The following NRXN3 variants were observed in gnomAD, a reference collection of about 807,000 sequenced individuals.
NRXN3 encodes the protein neurexin 3.
A neutral mutation model predicts 137.6 loss-of-function variants in NRXN3; 32 were observed. That is an observed-to-expected ratio of 0.23 (90% CI 0.18 to 0.31). The LOEUF is 0.31. NRXN3 is among the 10% of genes least tolerant of loss of function. The pLI is 1.00. For synonymous variants in NRXN3, 798 were observed against 784.5 expected (o/e 1.02, Z -0.29); for missense variants, 1,574 against 2,062.5 (o/e 0.76, Z 4.59).
chr14:79,353,611 A>G (rs771338434), intron 15 of NRXN3, among the ~76,000 whole-genome samples: 17 of 152,184 alleles, frequency 1.1e-4, no homozygotes, highest in South Asian at 2.1e-4. Flanking sequence ...CCAACAGGCT[A>G]TGAAATATTG....
intron 4 of NRXN3, among the ~76,000 whole-genome samples, chr14:78,391,382 G>A (rs1041178038): frequency 6.6e-6 from 1 of 152,090 alleles, no homozygotes; most frequent in Non-Finnish European, 1.5e-5. Context: ...TTTTGTGGCA[G>A]GTGTGGCTAT....
chr14:78,737,782 T>C (rs906915478), intron 8 of NRXN3, among the ~76,000 whole-genome samples: 2 of 152,068 alleles, frequency 1.3e-5, no homozygotes, highest in African/African-American at 2.4e-5. Flanking sequence ...AGTTAAGTCG[T>C]TGGAAGCTGC....
chr14:79,020,412 T>C (rs1004139183), intron 15 of NRXN3, among the ~76,000 whole-genome samples: 16 of 149,036 alleles, frequency 1.1e-4, no homozygotes, highest in African/African-American at 3.5e-4. Context: ...ATTACAGGCA[T>C]GTGCCACCAC....
intron 15 of NRXN3, among the ~76,000 whole-genome samples, chr14:79,387,961 G>A (rs2094694580): frequency 9.0e-6 from 1 of 111,210 alleles, no homozygotes; most frequent in African/African-American, 3.5e-5. Context: ...TGTGGGGTGG[G>A]GGGAGGGGGG....
At chr14:78,336,953 A>G (rs1267975928) in intron 4 of NRXN3, among the ~76,000 whole-genome samples, 1 of 152,152 alleles carries the variant, frequency 6.6e-6, no homozygotes, top group Non-Finnish European at 1.5e-5. Context: ...ACTTTGGATC[A>G]TCTGTATGTT....
intron 19 of NRXN3, among the ~76,000 whole-genome samples, chr14:79,720,789 G>T (rs902131455): frequency 2.0e-5 from 3 of 152,082 alleles, no homozygotes; most frequent in African/African-American, 7.2e-5. Flanking sequence ...CTTCAGAATG[G>T]TGTTTGCTTT....
intron 8 of NRXN3, among the ~76,000 whole-genome samples, chr14:78,795,373 C>T (rs1159989514): frequency 3.3e-5 from 5 of 152,162 alleles, no homozygotes; most frequent in South Asian, 2.1e-4. Context: ...CTCAATTTTC[C>T]AGTGCCAATC....
At chr14:79,089,185 C>T (rs1257900657) in intron 15 of NRXN3, among the ~76,000 whole-genome samples, 2 of 152,118 alleles carry the variant, frequency 1.3e-5, no homozygotes, top group Admixed American at 6.6e-5. Context: ...AGGTAAGAGA[C>T]ATGTACCCCT....
At chr14:79,216,053 G>A (rs995152342) in intron 15 of NRXN3, among the ~76,000 whole-genome samples, 2 of 152,194 alleles carry the variant, frequency 1.3e-5, no homozygotes, top group African/African-American at 4.8e-5. Context: ...AGAACAGTTT[G>A]TCTCTGTTCC....
chr14:78,784,452 TG>T, intron 8 of NRXN3, among the ~76,000 whole-genome samples: 1 of 152,274 alleles, frequency 6.6e-6, no homozygotes, highest in East Asian at 1.9e-4. Context: ...GGCACACTTT[TG>T]AGTAAAAGGT....
At chr14:79,368,152 G>A (rs939904916) in intron 15 of NRXN3, among the ~76,000 whole-genome samples, 12 of 152,228 alleles carry the variant, frequency 7.9e-5, no homozygotes, top group African/African-American at 2.9e-4. Context: ...GCCAGAACAA[G>A]GGGACATACC....
chr14:79,227,768 T>TCCTTCCTC (rs2071244562), intron 15 of NRXN3, among the ~76,000 whole-genome samples: 1 of 116,970 alleles, frequency 8.5e-6, no homozygotes, highest in South Asian at 3.6e-4. Flanking sequence ...CTTCCTTCCT[T>TCCTTCCTC]CCTTCCTTCC....
At chr14:78,764,330 G>A (rs2098701850) in intron 8 of NRXN3, among the ~76,000 whole-genome samples, 1 of 152,164 alleles carries the variant, frequency 6.6e-6, no homozygotes, top group African/African-American at 2.4e-5. Flanking sequence ...CCAAGGGCTG[G>A]AATAGCTGTT....
intron 10 of NRXN3, among the ~76,000 whole-genome samples, chr14:78,893,329 T>C (rs1049809640): frequency 6.6e-6 from 1 of 152,024 alleles, no homozygotes; most frequent in Non-Finnish European, 1.5e-5. Flanking sequence ...CTTTCATTGC[T>C]CTGATCTTTA....
intron 10 of NRXN3, among the ~76,000 whole-genome samples, chr14:78,834,818 G>A (rs1373303346): frequency 2.0e-5 from 3 of 152,180 alleles, no homozygotes; most frequent in Non-Finnish European, 4.4e-5. Flanking sequence ...AGCAAGTTGT[G>A]CATGAAACAC....
chr14:79,136,991 A>G (rs996126097), intron 15 of NRXN3, among the ~76,000 whole-genome samples: 1 of 152,226 alleles, frequency 6.6e-6, no homozygotes, highest in East Asian at 1.9e-4. Flanking sequence ...CTATGTTCTC[A>G]TCATTTCACT....
intron 4 of NRXN3, among the ~76,000 whole-genome samples, chr14:78,615,414 C>G (rs1310062053): frequency 7.0e-6 from 1 of 143,640 alleles, no homozygotes; most frequent in Admixed American, 7.0e-5. Flanking sequence ...TCCTAGCTAA[C>G]ACGGTGAAAC....
chr14:79,647,167 A>T (rs2098456553), intron 16 of NRXN3, among the ~76,000 whole-genome samples: 1 of 135,928 alleles, frequency 7.4e-6, no homozygotes, highest in East Asian at 2.0e-4. Flanking sequence ...GTAGAGTGGC[A>T]ATTTTGTTTT....
At chr14:79,402,367 T>C (rs1490213406) in intron 15 of NRXN3, among the ~76,000 whole-genome samples, 4 of 152,236 alleles carry the variant, frequency 2.6e-5, no homozygotes, top group African/African-American at 9.6e-5. Flanking sequence ...ATATTCATAA[T>C]AAAAATCCAT....
Sources: allele counts gnomAD v4.1 joint callset (sites outside exome capture counted in the v4.1 genomes callset), GRCh38; gene constraint gnomAD v4.1.1; transcripts MANE v1.5; gene names NCBI Gene and HGNC (gene_info 2026-07-23, HGNC 2026-07-21).